Variants in C12orf56 observed in about 807,000 individuals in gnomAD.
C12orf56 encodes uncharacterized protein C12orf56.
In C12orf56, 71 loss-of-function variants were observed where a neutral mutation model predicts 69.9. The ratio of observed to expected loss-of-function variants is 1.02; its 90% confidence interval spans 0.84 to 1.24. The LOEUF (loss-of-function observed/expected upper bound fraction) is 1.24. C12orf56 is among the 50% of genes most tolerant of loss of function. The pLI, the probability that C12orf56 is intolerant of heterozygous loss-of-function variation, is 0.00. For synonymous variants in C12orf56, 276 were observed against 274.1 expected (o/e 1.01, Z -0.07); for missense variants, 732 against 738.5 (o/e 0.99, Z 0.10).
intron 5 of C12orf56, among the ~76,000 whole-genome samples, chr12:64,306,083 T>G (rs556501319): frequency 7.5e-4 from 114 of 152,222 alleles, no homozygotes; most frequent in African/African-American, 2.4e-3. Flanking sequence ...GCCAAAAAAA[T>G]TTTCACAGAA....
At chr12:64,282,446 C>A (rs560457611) in intron 8 of C12orf56, among the ~76,000 whole-genome samples, 1 of 152,116 alleles carries the variant, frequency 6.6e-6, no homozygotes, top group Non-Finnish European at 1.5e-5. Flanking sequence ...TCTATATGAC[C>A]TTTTACAGAA....
At chr12:64,384,064 T>G (rs1480266781) in intron 1 of C12orf56, among the ~76,000 whole-genome samples, 2 of 152,260 alleles carry the variant, frequency 1.3e-5, no homozygotes, top group African/African-American at 4.8e-5. Flanking sequence ...ATCACATGAA[T>G]GATCTCAACT....
chr12:64,293,599 A>G (rs958667761), intron 6 of C12orf56, among the ~76,000 whole-genome samples: 1 of 152,184 alleles, frequency 6.6e-6, no homozygotes, highest in Non-Finnish European at 1.5e-5. Flanking sequence ...TGCTTAGCAC[A>G]TAACACATAG....
At chr12:64,332,481 A>G (rs965831741) in intron 2 of C12orf56, among the ~76,000 whole-genome samples, 4 of 151,844 alleles carry the variant, frequency 2.6e-5, no homozygotes, top group African/African-American at 7.3e-5. Context: ...TCCCACTTCA[A>G]TTTTTCTTCT....
rs1028939681 is a variant in C12orf56 at position 64,265,685 on chromosome 12, CA to C, written c.*1497del. The C allele has an allele frequency of 3.3e-5, 5 of 152,272 alleles. No homozygotes were observed. The highest frequency in any genetic ancestry group is 9.6e-5 in the African/African-American group (4 of 41,470). The allele number at this position is 152,272 out of a possible 1,614,324, so 9.4% of individuals were successfully genotyped here. Reference sequence around the variant, plus strand: ...TAGTAATTATCTCCACTGCCCAACACAGGCGAATCTGGCTTAGGAACTCTTT... The same window carrying C: ...TAGTAATTATCTCCACTGCCCAACACGGCGAATCTGGCTTAGGAACTCTTT... On this transcript the variant is annotated 3_prime_UTR_variant, in exon 13 of 13. Transcript: ENST00000543942.
intron 1 of C12orf56, among the ~76,000 whole-genome samples, chr12:64,372,287 C>T (rs910946828): frequency 5.9e-5 from 9 of 151,972 alleles, no homozygotes; most frequent in South Asian, 2.1e-4. Context: ...TGCTATTAAA[C>T]GATGTTTTTT....
intron 11 of C12orf56, among the ~76,000 whole-genome samples, chr12:64,272,576 A>T (rs1283411563): frequency 1.4e-5 from 1 of 70,848 alleles, no homozygotes; most frequent in Non-Finnish European, 4.1e-5. Flanking sequence ...TAAAAAAATA[A>T]AAATAAAAAA....
At chr12:64,273,539 G>T (rs1446191018) in intron 11 of C12orf56, among the ~76,000 whole-genome samples, 5 of 152,210 alleles carry the variant, frequency 3.3e-5, no homozygotes, top group South Asian at 2.1e-4. Flanking sequence ...CACGGCACTG[G>T]CAGTCTGTTG....
intron 3 of C12orf56, among the ~76,000 whole-genome samples, chr12:64,329,794 G>A (rs1222346850): frequency 6.7e-6 from 1 of 149,390 alleles, no homozygotes; most frequent in Admixed American, 6.8e-5. Context: ...TTTTGTTCTT[G>A]TGATAGTTTA....
chr12:64,313,192 G>A (rs994156080), intron 4 of C12orf56, among the ~76,000 whole-genome samples: 1 of 149,614 alleles, frequency 6.7e-6, no homozygotes, highest in Non-Finnish European at 1.5e-5. Context: ...AACCCGGGGG[G>A]CGGAGCTTGC....
intron 1 of C12orf56, among the ~76,000 whole-genome samples, chr12:64,367,475 A>G (rs573315012): frequency 2.3e-4 from 34 of 150,936 alleles, no homozygotes; most frequent in Non-Finnish European, 3.7e-4. Flanking sequence ...AGATTTTTCT[A>G]TTCTCACTAT....
intron 1 of C12orf56, among the ~76,000 whole-genome samples, chr12:64,390,027 A>G (rs770110495): frequency 6.6e-6 from 1 of 152,150 alleles, no homozygotes. Flanking sequence ...TGACTTTAAA[A>G]GGTATTTTTG....
chr12:64,274,011 C>T (rs1032534086), intron 11 of C12orf56, among the ~76,000 whole-genome samples: 10 of 152,134 alleles, frequency 6.6e-5, no homozygotes, highest in African/African-American at 1.2e-4. Flanking sequence ...GCAACAGTGA[C>T]GAGGCCTATA....
chr12:64,358,372 C>T (rs1233688574), intron 1 of C12orf56, among the ~76,000 whole-genome samples: 1 of 151,526 alleles, frequency 6.6e-6, no homozygotes, highest in Non-Finnish European at 1.5e-5. Flanking sequence ...GCAGGAGAAT[C>T]GCTGGAACCC....
At chr12:64,344,106 T>C (rs1358226069) in intron 2 of C12orf56, among the ~76,000 whole-genome samples, 1 of 152,178 alleles carries the variant, frequency 6.6e-6, no homozygotes, top group Non-Finnish European at 1.5e-5. Context: ...CTCAGAGCCA[T>C]TGTCCAGTAG....
intron 1 of C12orf56, among the ~76,000 whole-genome samples, chr12:64,358,465 A>G (rs1362160085): frequency 1.7e-5 from 1 of 59,358 alleles, no homozygotes; most frequent in Non-Finnish European, 3.9e-5. Flanking sequence ...CTCAAAAGTA[A>G]TAATAATAAT....
chr12:64,289,822 G>A lies in C12orf56; in HGVS notation c.1114-3762C>T, dbSNP rs2038265167. Reference sequence around the variant, plus strand: ...TGGTCTAAAATTCTCTTTTTTGGTTGTGTCTCTGCCCAGCTTTGGTATCAG... The same window carrying A: ...TGGTCTAAAATTCTCTTTTTTGGTTATGTCTCTGCCCAGCTTTGGTATCAG... On this transcript the variant is annotated intron_variant, in intron 6 of 12. Coordinates refer to ENST00000543942, the MANE Select transcript of C12orf56 (RefSeq NM_001170633.2). Among the ~76,000 whole-genome samples the A allele has an allele frequency of 4.1e-5, 2 of 48,612 alleles. 1 individual carries two copies. Among genetic ancestry groups the A allele is most frequent in the South Asian group, 1.3e-3 (2 of 1,496 alleles). The allele number at this position is 48,612 out of a possible 152,430, so 31.9% of individuals were successfully genotyped here. A position where few individuals can be genotyped will look rare whatever the true frequency, so the allele number is the denominator to read the frequency against.
At chr12:64,387,405 G>C (rs1325178406) in intron 1 of C12orf56, among the ~76,000 whole-genome samples, 1 of 152,140 alleles carries the variant, frequency 6.6e-6, no homozygotes, top group Non-Finnish European at 1.5e-5. Context: ...TGCCTGAAAG[G>C]TAAACCTTGT....
At chr12:64,339,658 G>A (rs1192362795) in intron 2 of C12orf56, among the ~76,000 whole-genome samples, 1 of 152,050 alleles carries the variant, frequency 6.6e-6, no homozygotes, top group Non-Finnish European at 1.5e-5. Flanking sequence ...AACCTCCCAG[G>A]CTCAAGTGAC....
Sources: gnomAD v4.1 joint callset for allele counts (sites outside exome capture counted in the v4.1 genomes callset) on GRCh38, gnomAD v4.1.1 for gene constraint, MANE v1.5 for transcripts, NCBI Gene and HGNC (gene_info 2026-07-23, HGNC 2026-07-21) for gene names.